Variants in GLRA3 observed in about 807,000 individuals in gnomAD.
GLRA3 encodes glycine receptor subunit alpha-3.
Under a neutral mutation model 60.4 loss-of-function variants are expected in GLRA3, and 44 were observed. That is an observed-to-expected ratio of 0.73 (90% CI 0.57 to 0.94). The LOEUF (loss-of-function observed/expected upper bound fraction) is 0.94, where lower values mean the gene tolerates loss of function less well. Among genes scored for constraint, GLRA3 ranks in the 40% least tolerant of loss-of-function variants. GLRA3 has a pLI of 0.00. For synonymous variants in GLRA3, 223 were observed against 192.9 expected (o/e 1.16, Z -1.29); for missense variants, 508 against 564.6 (o/e 0.90, Z 1.02).
intron 3 of GLRA3, among the ~76,000 whole-genome samples, chr4:174,749,970 T>A (rs1314248663): frequency 6.6e-6 from 1 of 152,110 alleles, no homozygotes; most frequent in Non-Finnish European, 1.5e-5. Context: ...AAGGCTCTTG[T>A]GTTAGCAGAA....
At chr4:174,739,145 G>C (rs1736911420) in intron 3 of GLRA3, among the ~76,000 whole-genome samples, 1 of 152,244 alleles carries the variant, frequency 6.6e-6, no homozygotes, top group African/African-American at 2.4e-5. Context: ...GAAACTAGAA[G>C]TGGGTGCTGC....
intron 4 of GLRA3, among the ~76,000 whole-genome samples, chr4:174,727,792 A>G (rs566251843): frequency 1.4e-4 from 21 of 152,218 alleles, no homozygotes; most frequent in African/African-American, 4.8e-4. Context: ...ATTATTCAAT[A>G]TTGGGTTTTT....
chr4:174,716,261 T>C (rs1224265797), intron 4 of GLRA3, among the ~76,000 whole-genome samples: 1 of 152,200 alleles, frequency 6.6e-6, no homozygotes, highest in Non-Finnish European at 1.5e-5. Flanking sequence ...AGAATATTCA[T>C]GATCTGATTC....
chr4:174,823,083 T>C (rs894159504), intron 1 of GLRA3, among the ~76,000 whole-genome samples: 12 of 152,198 alleles, frequency 7.9e-5, no homozygotes, highest in African/African-American at 2.7e-4. Flanking sequence ...ATTCCATATA[T>C]ACACTGTTTG....
intron 4 of GLRA3, among the ~76,000 whole-genome samples, chr4:174,723,556 A>G (rs151083012): frequency 3.0e-4 from 46 of 152,158 alleles, no homozygotes; most frequent in African/African-American, 9.9e-4. Flanking sequence ...ACTACAATAA[A>G]TAATCTAGAT....
chr4:174,771,483 G>A (rs1738383952), intron 2 of GLRA3, among the ~76,000 whole-genome samples: 1 of 151,180 alleles, frequency 6.6e-6, no homozygotes, highest in Non-Finnish European at 1.5e-5. Flanking sequence ...ATATGAATCT[G>A]AGAAACATTA....
chr4:174,693,949 C>T (rs1244363943), intron 5 of GLRA3, among the ~76,000 whole-genome samples: 3 of 151,934 alleles, frequency 2.0e-5, no homozygotes, highest in African/African-American at 7.3e-5. Context: ...GGTTTTAGAC[C>T]AAACAGATTT....
intron 9 of GLRA3, among the ~76,000 whole-genome samples, chr4:174,651,292 G>C (rs1259711010): frequency 1.3e-5 from 2 of 152,132 alleles, no homozygotes; most frequent in African/African-American, 4.8e-5. Flanking sequence ...AATTATTAAA[G>C]ATGAGATGAC....
At chr4:174,802,154 C>T (rs1739838658) in intron 1 of GLRA3, among the ~76,000 whole-genome samples, 1 of 151,944 alleles carries the variant, frequency 6.6e-6, no homozygotes, top group Non-Finnish European at 1.5e-5. Context: ...AAGGTCTAAC[C>T]TTTCTCATTT....
At chr4:174,779,475 C>T (rs1225198871) in intron 2 of GLRA3, among the ~76,000 whole-genome samples, 4 of 152,178 alleles carry the variant, frequency 2.6e-5, no homozygotes, top group East Asian at 1.9e-4. Context: ...ATGACTTTGA[C>T]GAGCTGAGAG....
intron 3 of GLRA3, among the ~76,000 whole-genome samples, chr4:174,746,957 C>A (rs182656417): frequency 6.6e-6 from 1 of 152,248 alleles, no homozygotes; most frequent in East Asian, 1.9e-4. Context: ...GTGACAGAAT[C>A]TTAGATTGAC....
chr4:174,688,137 T>C (rs1261378591), intron 5 of GLRA3, among the ~76,000 whole-genome samples: 1 of 151,296 alleles, frequency 6.6e-6, no homozygotes, highest in Non-Finnish European at 1.5e-5. Flanking sequence ...AAAAGGAAAA[T>C]TTCAAAGTTT....
chr4:174,672,666 A>T lies in GLRA3; in HGVS notation c.927+4412T>A, dbSNP rs113999497. ...TAGATCCAAGCCCACTCGAACAGCC[A>T]ATCTCAGGGCAAGCGCAGAAGAGAT... is the stretch of plus-strand genomic sequence containing the variant. On this transcript the variant is annotated intron_variant, in intron 7 of 9. Coordinates refer to ENST00000274093, the MANE Select transcript of GLRA3 (RefSeq NM_006529.4). 7.1e-3 allele frequency among the ~76,000 whole-genome samples: 1,085 copies of T among 152,240 alleles called. 13 individuals are homozygous for T. The highest frequency in any genetic ancestry group is 0.025 in the African/African-American group (1,034 of 41,544).
chr4:174,757,353 A>G (rs1202467383), intron 3 of GLRA3, among the ~76,000 whole-genome samples: 1 of 152,156 alleles, frequency 6.6e-6, no homozygotes, highest in Non-Finnish European at 1.5e-5. Flanking sequence ...TGTAGCAATG[A>G]ACACATCTGG....
Position 174,642,582 on chromosome 4 carries a change from A to T in GLRA3, c.*1204T>A. 1.0e-6 allele frequency: 1 copy of T among 968,910 alleles called. No individual in the cohort carries two copies. 60.0% of individuals were successfully genotyped at this position (968,910 alleles called of 1,614,324 possible). ...GCTCTGTTTTTGTTGAAGTAATCCC[A>T]TGGGGTCATTGAAAAATTTTATGTA... On this transcript the variant is annotated 3_prime_UTR_variant, in exon 10 of 10. Transcript: ENST00000274093.
intron 5 of GLRA3, among the ~76,000 whole-genome samples, chr4:174,692,810 C>T (rs1734907706): frequency 6.6e-6 from 1 of 151,944 alleles, no homozygotes; most frequent in Non-Finnish European, 1.5e-5. Context: ...TGCAGAAGGC[C>T]GCGGGGTCCT....
intron 1 of GLRA3, among the ~76,000 whole-genome samples, chr4:174,812,674 A>G (rs777636174): frequency 1.3e-5 from 2 of 152,202 alleles, no homozygotes; most frequent in Non-Finnish European, 2.9e-5. Flanking sequence ...CAAGGTTTTT[A>G]TAGAATTATA....
At chr4:174,746,229 T>C (rs775058511) in intron 3 of GLRA3, among the ~76,000 whole-genome samples, 5 of 152,140 alleles carry the variant, frequency 3.3e-5, no homozygotes, top group Admixed American at 6.5e-5. Context: ...GTAGCAAAGA[T>C]ATGGAATAAA....
chr4:174,662,085 A>G (rs1274264955), intron 7 of GLRA3, among the ~76,000 whole-genome samples: 13 of 152,188 alleles, frequency 8.5e-5, no homozygotes, highest in Non-Finnish European at 1.9e-4. Flanking sequence ...CTTGAGTATT[A>G]GTTTCCGCTC....
Sources: gnomAD v4.1 joint callset for allele counts (sites outside exome capture counted in the v4.1 genomes callset) on GRCh38, gnomAD v4.1.1 for gene constraint, MANE v1.5 for transcripts, NCBI Gene and HGNC (gene_info 2026-07-23, HGNC 2026-07-21) for gene names.